Variants in TCEA1 observed in about 807,000 individuals in gnomAD.
The protein encoded by TCEA1 is transcription elongation factor A protein 1.
TCEA1 carries 21 observed loss-of-function variants against 43.8 expected under a neutral mutation model. That is an observed-to-expected ratio of 0.48 (90% confidence interval 0.34 to 0.69). The LOEUF is 0.69. Ranked by LOEUF, TCEA1 falls within the 30% of genes least tolerant of loss-of-function variation. The pLI, the probability that TCEA1 is intolerant of heterozygous loss-of-function variation, is 0.01. For missense variants in TCEA1, 250 were observed against 365.1 expected, an observed-to-expected ratio of 0.68 and a Z score of 2.57; for synonymous variants, 104 against 117.5, an observed-to-expected ratio of 0.88 and a Z score of 0.75.
At chr8:54,019,404 T>C (rs1323778381) in intron 1 of TCEA1, among the ~76,000 whole-genome samples, 2 of 151,862 alleles carry the variant, frequency 1.3e-5, no homozygotes, top group Non-Finnish European at 2.9e-5. Context: ...ATCCCATCTC[T>C]ACTAAAAATA....
At chr8:54,004,065 T>TA (rs1183411509) in intron 2 of TCEA1, among the ~76,000 whole-genome samples, 1 of 151,880 alleles carries the variant, frequency 6.6e-6, no homozygotes, top group Non-Finnish European at 1.5e-5. Flanking sequence ...ATTATGGAAA[T>TA]AAAAATTAAA....
intron 3 of TCEA1, among the ~76,000 whole-genome samples, chr8:53,997,679 G>C (rs979060133): frequency 6.6e-6 from 1 of 152,180 alleles, no homozygotes; most frequent in Non-Finnish European, 1.5e-5. Flanking sequence ...AGGTTGGATC[G>C]CTTGAGCCCA....
At chr8:54,016,068 T>C (rs374382243) in intron 1 of TCEA1, among the ~76,000 whole-genome samples, 58 of 152,288 alleles carry the variant, frequency 3.8e-4, no homozygotes, top group African/African-American at 1.2e-3. Flanking sequence ...ACACTGCTAG[T>C]TGGAATGTAA....
At chr8:53,993,090 C>T (rs1256266548) in intron 4 of TCEA1, among the ~76,000 whole-genome samples, 2 of 147,906 alleles carry the variant, frequency 1.4e-5, no homozygotes, top group African/African-American at 2.5e-5. Flanking sequence ...GTAGCTGGGA[C>T]TATAGACACA....
chr8:53,993,587 G>T, intron 4 of TCEA1, 81 bp downstream of exon 4: 1 of 1,121,874 alleles, frequency 8.9e-7, no homozygotes, highest in Non-Finnish European at 1.3e-6. Flanking sequence ...AGTGTAAATA[G>T]GGGAACATTA....
chr8:54,003,259 C>G (rs149771023), intron 2 of TCEA1, among the ~76,000 whole-genome samples: 2 of 152,012 alleles, frequency 1.3e-5, no homozygotes, highest in East Asian at 1.9e-4. Flanking sequence ...GTCGATAGAC[C>G]GGAAGACTTA....
chr8:53,987,798 G>A (rs913693855), intron 5 of TCEA1, among the ~76,000 whole-genome samples: 3 of 152,158 alleles, frequency 2.0e-5, no homozygotes, highest in Non-Finnish European at 4.4e-5. Flanking sequence ...ATCAGGGTAT[G>A]TAGTTTGCAG....
At chr8:53,993,121 T>C (rs1463868704) in intron 4 of TCEA1, among the ~76,000 whole-genome samples, 4 of 140,496 alleles carry the variant, frequency 2.8e-5, no homozygotes, top group Non-Finnish European at 4.5e-5. Context: ...CATGGCTACA[T>C]GGCTAATTTT....
At chr8:53,979,289 A>G (rs772325204) in intron 7 of TCEA1, 118 bp from the exon 8 acceptor site, 27 of 1,132,546 alleles carry the variant, frequency 2.4e-5, no homozygotes, top group Non-Finnish European at 3.2e-5. Context: ...TAAGGTTTTA[A>G]AAGCATTAAA....
chr8:53,972,358 CTAATCTTGCAAGGGG>C, intron 8 of TCEA1: 1 of 509,494 alleles, frequency 2.0e-6, no homozygotes. Context: ...GACAGCAGCC[CTAATCTTGCAAGGGG>C]TAAAGGAAAT....
chr8:54,019,085 T>G (rs967237575), intron 1 of TCEA1, among the ~76,000 whole-genome samples: 5 of 152,214 alleles, frequency 3.3e-5, no homozygotes, highest in Non-Finnish European at 5.9e-5. Flanking sequence ...GGGTAAGTAT[T>G]TAGCAGAATA....
In TCEA1 at chr8:54,022,448, T is replaced by G; in HGVS notation, c.-323A>C. On this transcript the variant is annotated 5_prime_UTR_variant, in exon 1 of 10. Transcript: ENST00000521604. ...CTAGTGGGCAGGCGTGGCTTCCGGC[T>G]AGAGGGTCGTGGAAGGCGCCCGGTT... 1 of 408,018 alleles carries G rather than the reference T, an allele frequency of 2.5e-6. No homozygotes were observed. Among genetic ancestry groups the G allele is most frequent in the Non-Finnish European group, 4.4e-6 (1 of 226,284 alleles). 25.3% of individuals were successfully genotyped at this position (408,018 alleles called of 1,614,324 possible).
chr8:53,990,228 CT>C (rs539331604), intron 4 of TCEA1, among the ~76,000 whole-genome samples: 17 of 146,918 alleles, frequency 1.2e-4, no homozygotes, highest in Middle Eastern at 3.5e-3. Flanking sequence ...ACAAACAAAC[CT>C]TTTTTTTTTG....
In TCEA1 at chr8:53,979,088, A is replaced by G. The variant is rs1803427845; in HGVS notation, c.762T>C (p.Gly254=). The change falls in exon 8 of 10, where the codon GGT becomes GGC. Residue 254 remains glycine, a synonymous_variant. Transcript: ENST00000521604. Reference sequence around the variant, plus strand: ...ATGTGAACAAGTCAGTCTGGGTCCCACCAGTCTTGGCCATCTGATGCTCTC... The same window carrying G: ...ATGTGAACAAGTCAGTCTGGGTCCCGCCAGTCTTGGCCATCTGATGCTCTC... The part of the protein sequence containing the change: ...AIREHQMAKT[G]GTQTDLFTCG... 1 of 1,613,698 alleles carries G rather than the reference A, an allele frequency of 6.2e-7. No individual in the cohort carries two copies. The highest frequency in any genetic ancestry group is 8.5e-7 in the Non-Finnish European group (1 of 1,179,784).
intron 3 of TCEA1, among the ~76,000 whole-genome samples, chr8:53,995,593 T>C (rs940958651): frequency 6.6e-6 from 1 of 152,232 alleles, no homozygotes; most frequent in Non-Finnish European, 1.5e-5. Flanking sequence ...AAAGAATTCT[T>C]TCAATTCTTC....
At chr8:53,992,472 G>A (rs989073086) in intron 4 of TCEA1, among the ~76,000 whole-genome samples, 1 of 152,022 alleles carries the variant, frequency 6.6e-6, no homozygotes, top group Non-Finnish European at 1.5e-5. Context: ...AATTAGCCAG[G>A]TGTGGTGGGC....
intron 8 of TCEA1, chr8:53,973,247 G>A: frequency 2.1e-6 from 1 of 475,198 alleles, no homozygotes; most frequent in Middle Eastern, 6.4e-4. Context: ...GAAAGACAAA[G>A]AAAATGATAT....
intron 3 of TCEA1, among the ~76,000 whole-genome samples, chr8:53,997,921 C>T (rs906034353): frequency 2.0e-5 from 3 of 152,278 alleles, no homozygotes; most frequent in Admixed American, 6.5e-5. Context: ...AATAAACCTG[C>T]TTCAAGGATA....
chr8:53,991,469 C>G (rs975242655), intron 4 of TCEA1, among the ~76,000 whole-genome samples: 1 of 149,660 alleles, frequency 6.7e-6, no homozygotes, highest in African/African-American at 2.5e-5. Flanking sequence ...CCAAGGCGGG[C>G]GGATCACCTG....
Sources: gnomAD v4.1 joint callset for allele counts (sites outside exome capture counted in the v4.1 genomes callset) on GRCh38, gnomAD v4.1.1 for gene constraint, MANE v1.5 for transcripts, NCBI Gene and HGNC (gene_info 2026-07-23, HGNC 2026-07-21) for gene names.